The following POLR1B variants were observed in gnomAD, a reference collection of about 807,000 sequenced individuals.
POLR1B encodes DNA-directed RNA polymerase I subunit RPA2.
Under a neutral mutation model 105.8 loss-of-function variants are expected in POLR1B, and 30 were observed. The observed-to-expected ratio is 0.28, with a 90% CI of 0.21 to 0.38. POLR1B has a LOEUF of 0.38. Ranked by LOEUF, POLR1B falls within the 10% of genes least tolerant of loss-of-function variation. The pLI is 1.00. For missense variants in POLR1B, 976 were observed against 1,435.8 expected (o/e 0.68, Z 5.17); for synonymous variants, 485 against 505.1 (o/e 0.96, Z 0.53).
At position 112,549,340 on chromosome 2, in the gene POLR1B, T is replaced by C. The variant is rs1683238431; in HGVS notation, c.566T>C (p.Phe189Ser). ...ATGTTGATTATGCCTCGGAGAAATT[T>C]TCCCATTGCAATGATAAGACCAAAA... ...IRMLIMPRRN[F>S]PIAMIRPKWK... The change falls in exon 4 of 15, where the codon TTT becomes TCT. Residue 189 changes from phenylalanine to serine, a missense_variant. Around this residue, in one of 12 missense-constraint regions of POLR1B, gnomAD observed 452 missense variants for 616.5 expected, o/e 0.73. Transcript: ENST00000263331. 6.2e-7 allele frequency: 1 copy of C among 1,613,874 alleles called. No homozygotes were observed. The highest frequency in any genetic ancestry group is 1.1e-5 in the South Asian group (1 of 91,072).
intron 1 of POLR1B, 116 bp downstream of exon 1, chr2:112,542,787 G>A: frequency 7.5e-7 from 1 of 1,342,228 alleles, no homozygotes; most frequent in Admixed American, 2.3e-5. Context: ...CAGGCTTGGT[G>A]GGTAAGCGGG....
chr2:112,551,002 G>A lies in POLR1B; in HGVS notation c.762G>A (p.Lys254=). 1 of 1,612,950 alleles carries A rather than the reference G, an allele frequency of 6.2e-7. No individual in the cohort carries two copies. The highest frequency in any genetic ancestry group is 1.3e-5 in the African/African-American group (1 of 75,012). ...TTCTTCCTTTGGGATTTGCACTTAAGGTATGACTTAATGAATGCATTCTTT... is the reference window on the plus strand; with the variant it reads ...TTCTTCCTTTGGGATTTGCACTTAAAGTATGACTTAATGAATGCATTCTTT... The part of the protein sequence containing the change: ...LFFLPLGFAL[K]ALVSFSDYQI... Residue 254 remains lysine, a splice_region_variant and synonymous_variant, in exon 5 of 15, where the codon AAG becomes AAA. Coordinates refer to ENST00000263331, the MANE Select transcript of POLR1B (RefSeq NM_019014.6).
intron 1 of POLR1B, chr2:112,546,025 C>T (rs570122414): frequency 6.3e-6 from 1 of 159,858 alleles, no homozygotes; most frequent in East Asian, 1.9e-4. Context: ...GGTAAGTTAA[C>T]TCACGTGAAG....
chr2:112,564,547 T>G (rs1684181007), intron 10 of POLR1B, 48 bp downstream of exon 10: 6 of 1,611,598 alleles, frequency 3.7e-6, no homozygotes, highest in Non-Finnish European at 5.1e-6. Flanking sequence ...CCTTAGGTTT[T>G]TCAGTTCCTT....
Position 112,576,495 on chromosome 2 carries a change from A to ATACCTGTT in POLR1B, c.*767_*774dup, listed in dbSNP as rs1397207767. 2.6e-5 allele frequency: 4 copies of ATACCTGTT among 152,192 alleles called. No individual in the cohort carries two copies. Among genetic ancestry groups the ATACCTGTT allele is most frequent in the African/African-American group, 9.7e-5 (4 of 41,434 alleles). 9.4% of individuals were successfully genotyped at this position (152,192 alleles called of 1,614,324 possible). Reference sequence around the variant, plus strand: ...ACTTGTCTTGCATAACTGAAGCTTTATACCTGTTGAACAACTCTCCATTTC... The same window carrying ATACCTGTT: ...ACTTGTCTTGCATAACTGAAGCTTTATACCTGTTTACCTGTTGAACAACTCTCCATTTC... On this transcript the variant is annotated 3_prime_UTR_variant, in exon 15 of 15. Coordinates refer to ENST00000263331, the MANE Select transcript of POLR1B (RefSeq NM_019014.6).
rs752114143 is a variant in POLR1B at position 112,558,005 on chromosome 2, G to A, written c.1254G>A (p.Arg418=). ...SVSMNTDNLM[R]IFTMGIDLTK... ...CCATGAACACTGACAATTTGATGAG[G>A]ATTTTTACAATGGGCATAGACCTTA... Residue 418 remains arginine (R), a synonymous_variant, in exon 8 of 15, where the codon AGG becomes AGA. Coordinates refer to ENST00000263331, the MANE Select transcript of POLR1B (RefSeq NM_019014.6). 7.0e-7 allele frequency: 1 copy of A among 1,429,268 alleles called. No individual in the cohort carries two copies. Among genetic ancestry groups the A allele is most frequent in the Admixed American group, 2.4e-5 (1 of 42,530 alleles). 88.5% of individuals were successfully genotyped at this position (1,429,268 alleles called of 1,614,324 possible). A position where few individuals can be genotyped will look rare whatever the true frequency, so the allele number is the denominator to read the frequency against.
chr2:112,573,142 G>A (rs1684676845), intron 13 of POLR1B, among the ~76,000 whole-genome samples: 1 of 152,138 alleles, frequency 6.6e-6, no homozygotes, highest in South Asian at 2.1e-4. Context: ...TCGCTCTGTT[G>A]CCCAGGCTGG....
chr2:112,567,671 C>T (rs764987949), intron 10 of POLR1B, among the ~76,000 whole-genome samples: 13 of 152,100 alleles, frequency 8.5e-5, no homozygotes, highest in African/African-American at 1.7e-4. Context: ...AAGCCACCCC[C>T]GGCCCACCCA....
intron 1 of POLR1B, among the ~76,000 whole-genome samples, chr2:112,543,270 C>A (rs1307494543): frequency 6.6e-6 from 1 of 152,120 alleles, no homozygotes; most frequent in South Asian, 2.1e-4. Flanking sequence ...GTAAGCATCC[C>A]CAGTGTCTCC....
intron 1 of POLR1B, chr2:112,545,804 T>C (rs62158582): frequency 0.09 from 32,834 of 365,352 alleles, 1,896 homozygotes; most frequent in East Asian, 0.29. Context: ...TATGCCCGGC[T>C]AATTTTTTTA....
rs914509106 is a variant in POLR1B, at chr2:112,577,739, G to A, written c.*2010G>A. 1.3e-5 allele frequency among the ~76,000 whole-genome samples: 2 copies of A among 150,998 alleles called. No homozygotes were observed. Among genetic ancestry groups the A allele is most frequent in the African/African-American group, 4.9e-5 (2 of 40,934 alleles). Reference sequence around the variant, plus strand: ...AGTTCCAGCTACTCAGGAGGCTGAGGTGGGAGAATCTCCTGAGCCTGGAAG... The same window carrying A: ...AGTTCCAGCTACTCAGGAGGCTGAGATGGGAGAATCTCCTGAGCCTGGAAG... On this transcript the variant is annotated 3_prime_UTR_variant, in exon 15 of 15. Coordinates refer to ENST00000263331, the MANE Select transcript of POLR1B (RefSeq NM_019014.6).
At position 112,575,714 on chromosome 2, in the gene POLR1B, A is replaced by G; in HGVS notation, c.3393A>G (p.Lys1131=). Residue 1131 remains lysine, a synonymous_variant, in exon 15 of 15, where the codon AAA becomes AAG. Transcript: ENST00000263331. This position sits in a 1 kb window ranked among gnomAD's most constrained non-coding sequence, Gnocchi z 5.3. ...AELAAMNIKV[K]LDVV is the part of the protein sequence containing the mutation. Reference sequence around the variant, plus strand: ...TGGCAGCTATGAACATCAAAGTGAAACTGGATGTTGTTTAACTTGATGTTG... The same window carrying G: ...TGGCAGCTATGAACATCAAAGTGAAGCTGGATGTTGTTTAACTTGATGTTG... 1 of 1,609,812 alleles carries G rather than the reference A, an allele frequency of 6.2e-7. No homozygotes were observed. The highest frequency in any genetic ancestry group is 8.5e-7 in the Non-Finnish European group (1 of 1,177,484).
intron 9 of POLR1B, among the ~76,000 whole-genome samples, chr2:112,564,007 C>G (rs988420115): frequency 1.3e-5 from 2 of 152,174 alleles, no homozygotes; most frequent in African/African-American, 4.8e-5. Flanking sequence ...GGCTCTACTT[C>G]TAATTCTAGT....
intron 7 of POLR1B, among the ~76,000 whole-genome samples, chr2:112,555,445 A>C (rs1270473835): frequency 6.6e-6 from 1 of 152,202 alleles, no homozygotes; most frequent in Non-Finnish European, 1.5e-5. Flanking sequence ...GTTTGAGATC[A>C]ATCTGGGCAA....
At chr2:112,549,739 C>T (rs902913181) in intron 4 of POLR1B, among the ~76,000 whole-genome samples, 3 of 152,082 alleles carry the variant, frequency 2.0e-5, no homozygotes, top group African/African-American at 7.2e-5. Flanking sequence ...AGGATACAGA[C>T]TTGCAGTTAC....
chr2:112,563,279 TCTC>T (rs1558661491), intron 9 of POLR1B, among the ~76,000 whole-genome samples: 1 of 151,780 alleles, frequency 6.6e-6, no homozygotes, highest in Non-Finnish European at 1.5e-5. Context: ...ATGGTCTCGA[TCTC>T]CTGACCTCGT....
chr2:112,565,175 T>G (rs1348746973), intron 10 of POLR1B, among the ~76,000 whole-genome samples: 4 of 152,266 alleles, frequency 2.6e-5, no homozygotes. Flanking sequence ...TAAGTCCTTG[T>G]GCTTTTAATT....
intron 9 of POLR1B, among the ~76,000 whole-genome samples, chr2:112,560,975 G>A (rs1017456701): frequency 6.6e-6 from 1 of 151,872 alleles, no homozygotes; most frequent in Non-Finnish European, 1.5e-5. Flanking sequence ...TGAGGCAGTA[G>A]AATCACTTGA....
Position 112,577,237 on chromosome 2 carries a change from C to CT in POLR1B, c.*1509dup, listed in dbSNP as rs1684911075. On this transcript the variant is annotated 3_prime_UTR_variant, in exon 15 of 15. Coordinates refer to ENST00000263331, the MANE Select transcript of POLR1B (RefSeq NM_019014.6). ...GGCAGATAGGAACAGACAGAAAAAT[C>CT]TATCATTTCAAGATAGGCTTAGCAG... The CT allele has an allele frequency of 6.6e-6, 1 of 152,224 alleles. No individual in the cohort carries two copies. Among genetic ancestry groups the CT allele is most frequent in the Non-Finnish European group, 1.5e-5 (1 of 68,058 alleles). The allele number at this position is 152,224 out of a possible 1,614,324, so 9.4% of individuals were successfully genotyped here.
Sources: allele counts gnomAD v4.1 joint callset (sites outside exome capture counted in the v4.1 genomes callset), GRCh38; gene constraint gnomAD v4.1.1; regional missense constraint gnomAD v4.1.1; non-coding constraint Gnocchi (gnomAD v3.1); transcripts MANE v1.5; gene names NCBI Gene and HGNC (gene_info 2026-07-23, HGNC 2026-07-21).